Variants in PDPN observed in about 807,000 individuals in gnomAD.
The protein encoded by PDPN is PA2.26 antigen.
PDPN carries 12 observed loss-of-function variants against 23.2 expected under a neutral mutation model. That is an observed-to-expected ratio of 0.52 (90% CI 0.33 to 0.84). The LOEUF (loss-of-function observed/expected upper bound fraction) is 0.84. Ranked by LOEUF, PDPN falls within the 40% of genes least tolerant of loss-of-function variation. PDPN has a pLI of 0.02. For missense variants in PDPN, 199 were observed against 212.2 expected (o/e 0.94, Z 0.39); for synonymous variants, 77 against 76.7 (o/e 1.00, Z -0.02).
At chr1:13,602,612 G>C (rs1428357102) in intron 1 of PDPN, among the ~76,000 whole-genome samples, 1 of 152,132 alleles carries the variant, frequency 6.6e-6, no homozygotes, top group Non-Finnish European at 1.5e-5. Flanking sequence ...TCCCAGGCTG[G>C]AGTGCAATGG....
Position 13,583,877 on chromosome 1 carries a change from G to C in PDPN, c.-157G>C, listed in dbSNP as rs1170289909. On this transcript the variant is annotated 5_prime_UTR_variant, in exon 1 of 6. Coordinates refer to ENST00000621990, the MANE Select transcript of PDPN (RefSeq NM_006474.5). ...GGCTGCCTAGGGTCTGGGAAGCTCG[G>C]GCACCCTCCCTCTCCGGGGCTCCTG... 5 of 1,608,770 alleles carry C rather than the reference G, an allele frequency of 3.1e-6. No individual in the cohort carries two copies. The South Asian group carries it at 5.5e-5, about 18-fold the overall frequency.
chr1:13,584,033 G>C lies in PDPN; in HGVS notation c.-1G>C. 6.2e-7 allele frequency: 1 copy of C among 1,613,458 alleles called. No homozygotes were observed. The highest frequency in any genetic ancestry group is 1.1e-5 in the South Asian group (1 of 91,086). On this transcript the variant is annotated 5_prime_UTR_variant, in exon 1 of 6. Coordinates refer to ENST00000621990, the MANE Select transcript of PDPN (RefSeq NM_006474.5). Reference sequence around the variant, plus strand: ...AGGAGAGCAACAACTCAACGGGAACGATGTGGAAGGTGTCAGCTCTGCTCT... The same window carrying C: ...AGGAGAGCAACAACTCAACGGGAACCATGTGGAAGGTGTCAGCTCTGCTCT...
chr1:13,598,242 C>T (rs950014644), intron 1 of PDPN, among the ~76,000 whole-genome samples: 6 of 151,946 alleles, frequency 3.9e-5, no homozygotes, highest in African/African-American at 9.7e-5. Flanking sequence ...GTCGCTAACC[C>T]CTCACCTCAG....
chr1:13,586,828 C>T lies in PDPN; in HGVS notation c.67+2728C>T, dbSNP rs371105245. Among the ~76,000 whole-genome samples the T allele has an allele frequency of 5.2e-4, 76 of 145,944 alleles. No individual in the cohort carries two copies. The East Asian group carries it at 0.01, about 19-fold the overall frequency. On this transcript the variant is annotated intron_variant, in intron 1 of 5. Transcript: ENST00000621990. ...CACGCCTGTGAGGGGCCGAGGCGGG[C>T]GGATCATGAAGTCAGGAGTTCGAGA...
chr1:13,607,827 G>A (rs1419509894), intron 2 of PDPN, among the ~76,000 whole-genome samples: 3 of 152,102 alleles, frequency 2.0e-5, no homozygotes, highest in South Asian at 4.1e-4. Context: ...CTTCTCAGCC[G>A]GGCGTGGTGG....
rs12134021 is a variant in PDPN at position 13,605,646 on chromosome 1, C to T, written c.68-1527C>T. 7.3e-3 allele frequency among the ~76,000 whole-genome samples: 1,104 copies of T among 152,140 alleles called. 17 individuals carry two copies. Among genetic ancestry groups the T allele is most frequent in the East Asian group, 0.06 (311 of 5,182 alleles). On this transcript the variant is annotated intron_variant, in intron 1 of 5. Transcript: ENST00000621990. Reference sequence around the variant, plus strand: ...CAGAAACCTTTTTTTTTCTTTGAGACGGAGTCCTGCTCTGTCACCAGGTTG... The same window carrying T: ...CAGAAACCTTTTTTTTTCTTTGAGATGGAGTCCTGCTCTGTCACCAGGTTG...
intron 2 of PDPN, 24 bp from the exon 3 acceptor site, chr1:13,610,363 T>G: frequency 1.2e-6 from 2 of 1,604,874 alleles, no homozygotes; most frequent in Non-Finnish European, 1.7e-6. Flanking sequence ...ATTTCCTGTT[T>G]TTCCTCATTT....
intron 1 of PDPN, among the ~76,000 whole-genome samples, chr1:13,589,010 G>A (rs1486529719): frequency 3.8e-5 from 2 of 53,094 alleles, no homozygotes; most frequent in East Asian, 6.8e-4. Context: ...TTATTGAACA[G>A]CTATTTATTG....
chr1:13,605,204 G>A lies in PDPN; in HGVS notation c.68-1969G>A, dbSNP rs2993693. On this transcript the variant is annotated intron_variant, in intron 1 of 5. Transcript: ENST00000621990. ...ATCTTAAGGCAAGGAATGGATTGCT[G>A]ATATAAGTGCTGTCTAAGCAGTGGG... Among the ~76,000 whole-genome samples, 106 of 84,608 alleles carry A rather than the reference G, an allele frequency of 1.3e-3. 4 individuals are homozygous for A. Among genetic ancestry groups the A allele is most frequent in the Middle Eastern group, 5.4e-3 (1 of 186 alleles). 55.5% of individuals were successfully genotyped at this position (84,608 alleles called of 152,430 possible). A position where few individuals can be genotyped will look rare whatever the true frequency, so the allele number is the denominator to read the frequency against.
At chr1:13,595,896 T>C in intron 1 of PDPN, 1 of 1,287,616 alleles carries the variant, frequency 7.8e-7, no homozygotes, top group East Asian at 5.6e-5. Context: ...ATACAGAAGA[T>C]AATTTTAAAG....
chr1:13,592,815 G>C (rs565827450), intron 1 of PDPN, among the ~76,000 whole-genome samples: 1 of 152,150 alleles, frequency 6.6e-6, no homozygotes, highest in African/African-American at 2.4e-5. Context: ...CTCCCAAAGT[G>C]CTGGGATTAC....
At chr1:13,588,689 AT>A (rs2100594168) in intron 1 of PDPN, among the ~76,000 whole-genome samples, 1 of 147,888 alleles carries the variant, frequency 6.8e-6, no homozygotes. Flanking sequence ...TAATATATGT[AT>A]TTTTTTGAGA....
At chr1:13,595,744 A>G (rs1407297763) in intron 1 of PDPN, 1 of 574,344 alleles carries the variant, frequency 1.7e-6, no homozygotes, top group East Asian at 6.7e-5. Flanking sequence ...GGCGCTGCTC[A>G]CACGAAATTG....
At chr1:13,606,738 A>G (rs1312046766) in intron 1 of PDPN, among the ~76,000 whole-genome samples, 3 of 152,302 alleles carry the variant, frequency 2.0e-5, no homozygotes, top group African/African-American at 4.8e-5. Context: ...CCGCTTTTGC[A>G]TCGGGTCTGC....
chr1:13,613,711 C>A lies in PDPN; in HGVS notation c.356C>A (p.Thr119Lys), dbSNP rs764059349. 3.3e-6 allele frequency: 5 copies of A among 1,506,654 alleles called. No homozygotes were observed. Among genetic ancestry groups the A allele is most frequent in the African/African-American group, 1.4e-5 (1 of 72,690 alleles). 93.3% of individuals were successfully genotyped at this position (1,506,654 alleles called of 1,614,324 possible). ...STEKVDGDTQ[T>K]TVEKDGLSTV... ...GAGAAAGTGGATGGAGACACACAGA[C>A]AACAGTTGAGAAAGGTAGGCTAGAT... is the stretch of plus-strand genomic sequence containing the variant. The change falls in exon 4 of 6, where the codon ACA becomes AAA. Residue 119 changes from threonine (T) to lysine (K), a missense_variant. Transcript: ENST00000621990.
intron 1 of PDPN, among the ~76,000 whole-genome samples, chr1:13,600,473 T>A (rs1640615438): frequency 6.6e-6 from 1 of 151,962 alleles, no homozygotes; most frequent in Admixed American, 6.6e-5. Context: ...CAAGCGATTC[T>A]CCTGCCTCAG....
At chr1:13,584,764 G>C (rs1640132609) in intron 1 of PDPN, among the ~76,000 whole-genome samples, 1 of 152,210 alleles carries the variant, frequency 6.6e-6, no homozygotes, top group Non-Finnish European at 1.5e-5. Context: ...GTTTAAGTGG[G>C]TTTGAGCCAC....
intron 5 of PDPN, 94 bp downstream of exon 5, chr1:13,614,505 C>A: frequency 1.3e-6 from 1 of 761,758 alleles, no homozygotes; most frequent in Non-Finnish European, 2.3e-6. Context: ...CTGATATAAG[C>A]TGGGTGTGGT....
Position 13,616,402 on chromosome 1 carries a change from G to T in PDPN, c.*491G>T, listed in dbSNP as rs1401709807. 1 of 166,332 alleles carries T rather than the reference G, an allele frequency of 6.0e-6. No homozygotes were observed. Among genetic ancestry groups the T allele is most frequent in the Admixed American group, 5.7e-5 (1 of 17,516 alleles). The allele number at this position is 166,332 out of a possible 1,614,324, so 10.3% of individuals were successfully genotyped here. On this transcript the variant is annotated 3_prime_UTR_variant, in exon 6 of 6. Coordinates refer to ENST00000621990, the MANE Select transcript of PDPN (RefSeq NM_006474.5). ...GCTGAAATGTACACATTCTGGTCTAGTTTGGTCTATCTTTTAAAGCCTGAT... is the reference window on the plus strand; with the variant it reads ...GCTGAAATGTACACATTCTGGTCTATTTTGGTCTATCTTTTAAAGCCTGAT...
Sources: gnomAD v4.1 joint callset for allele counts (sites outside exome capture counted in the v4.1 genomes callset) on GRCh38, gnomAD v4.1.1 for gene constraint, MANE v1.5 for transcripts, NCBI Gene and HGNC (gene_info 2026-07-23, HGNC 2026-07-21) for gene names.